Variants in APAF1 observed in about 807,000 individuals in gnomAD.
APAF1 encodes the protein apoptotic peptidase activating factor 1.
Under a neutral mutation model 152.4 loss-of-function variants are expected in APAF1, and 91 were observed. The ratio of observed to expected loss-of-function variants is 0.60; its 90% CI spans 0.50 to 0.71. APAF1 has a LOEUF of 0.71. APAF1 is among the 30% of genes least tolerant of loss of function. The pLI is 0.00. For synonymous variants in APAF1, 484 were observed against 494.1 expected, an observed-to-expected ratio of 0.98 and a Z score of 0.27; for missense variants, 1,283 against 1,472.0, an observed-to-expected ratio of 0.87 and a Z score of 2.10.
At chr12:98,650,017 A>T (rs1018324929) in intron 4 of APAF1, among the ~76,000 whole-genome samples, 3 of 152,116 alleles carry the variant, frequency 2.0e-5, no homozygotes, top group African/African-American at 7.2e-5. Context: ...AAATGTTGGC[A>T]GGTATACCAC....
intron 10 of APAF1, 51 bp from the exon 11 acceptor site, chr12:98,670,922 A>T: frequency 8.8e-7 from 1 of 1,141,130 alleles, no homozygotes; most frequent in Non-Finnish European, 1.3e-6. Flanking sequence ...TTATACCTAA[A>T]ATTTTTTGAT....
In APAF1 at chr12:98,665,660, A is replaced by C; in HGVS notation, c.1063A>C (p.Lys355Gln). ...LQNKQFKRIR[K>Q]SSSYDYEALD... ...GAATAAGCAGTTTAAGAGAATAAGG[A>C]AATCTTCGTCTTATGATTATGAGGC... The change falls in exon 8 of 27, where the codon AAA becomes CAA. Residue 355 changes from lysine (K) to glutamine (Q), a missense_variant. Lys to Gln is a moderately conservative substitution (Grantham distance 53, BLOSUM62 1). Coordinates refer to ENST00000551964, the MANE Select transcript of APAF1 (RefSeq NM_181861.2). 1 of 1,614,042 alleles carries C rather than the reference A, an allele frequency of 6.2e-7. No homozygotes were observed. The highest frequency in any genetic ancestry group is 1.7e-5 in the Admixed American group (1 of 60,004).
intron 10 of APAF1, among the ~76,000 whole-genome samples, chr12:98,669,666 T>C (rs2097677594): frequency 6.6e-6 from 1 of 152,198 alleles, no homozygotes; most frequent in Non-Finnish European, 1.5e-5. Flanking sequence ...GACAATTAGA[T>C]TGTTTAAGCA....
At chr12:98,726,063 C>T (rs1447554929) in intron 25 of APAF1, among the ~76,000 whole-genome samples, 5 of 152,064 alleles carry the variant, frequency 3.3e-5, no homozygotes, top group Admixed American at 6.6e-5. Context: ...TGTGGGGCAG[C>T]GAAGGGCTCC....
At chr12:98,671,948 T>A (rs2097680736) in intron 12 of APAF1, among the ~76,000 whole-genome samples, 1 of 152,182 alleles carries the variant, frequency 6.6e-6, no homozygotes, top group African/African-American at 2.4e-5. Flanking sequence ...TTTGGACAAA[T>A]TATCCTAAGT....
At position 98,662,316 on chromosome 12, in the gene APAF1, C is replaced by T. The variant is rs150629452; in HGVS notation, c.711-140C>T. ...GAAGAGTATAGCAAAGAGGAAGAAT[C>T]ATTTTCCTAGATCTAGCCATCTATT... On this transcript the variant is annotated intron_variant, in intron 5 of 26. Transcript: ENST00000551964. 39 of 654,822 alleles carry T rather than the reference C, an allele frequency of 6.0e-5. No homozygotes were observed. The African/African-American group carries it at 6.9e-4, about 12-fold the overall frequency. The allele number at this position is 654,822 out of a possible 1,614,324, so 40.6% of individuals were successfully genotyped here. A position where few individuals can be genotyped will look rare whatever the true frequency, so the allele number is the denominator to read the frequency against.
At chr12:98,680,521 A>C in intron 14 of APAF1, 119 bp downstream of exon 14, 1 of 979,216 alleles carries the variant, frequency 1.0e-6, no homozygotes, top group Non-Finnish European at 1.5e-6. Context: ...TACTAACCTG[A>C]TTCATTGTAA....
At position 98,670,964 on chromosome 12, in the gene APAF1, T is replaced by C. The variant is rs1417580491; in HGVS notation, c.1495-9T>C. 1.0e-5 allele frequency: 16 copies of C among 1,603,508 alleles called. No homozygotes were observed. The Admixed American group carries it at 1.2e-4, about 12-fold the overall frequency. On this transcript the variant is annotated splice_polypyrimidine_tract_variant and intron_variant, in intron 10 of 26. Coordinates refer to ENST00000551964, the MANE Select transcript of APAF1 (RefSeq NM_181861.2). The stretch of plus-strand genomic sequence containing the variant: ...CAGTGCTGCTGATACTACTTTTTGT[T>C]TTTTAAAGGAACTTTGTGCTTTAAT...
At chr12:98,729,380 C>T (rs941255174) in intron 26 of APAF1, among the ~76,000 whole-genome samples, 16 of 152,292 alleles carry the variant, frequency 1.1e-4, no homozygotes, top group Admixed American at 4.6e-4. Flanking sequence ...ATTAGATTCT[C>T]GTAAGGAGTG....
At chr12:98,699,634 G>A in intron 17 of APAF1, 65 bp downstream of exon 17, 2 of 1,573,292 alleles carry the variant, frequency 1.3e-6, no homozygotes, top group Non-Finnish European at 1.7e-6. Flanking sequence ...GTTCATTTTT[G>A]CATTTTACAA....
chr12:98,722,903 G>T (rs1307785662), intron 22 of APAF1, among the ~76,000 whole-genome samples: 1 of 150,560 alleles, frequency 6.6e-6, no homozygotes, highest in Middle Eastern at 3.5e-3. Flanking sequence ...GGCATATTGT[G>T]TGTTTTTTTT....
chr12:98,715,581 T>C, intron 22 of APAF1, 29 bp downstream of exon 22: 1 of 1,611,796 alleles, frequency 6.2e-7, no homozygotes, highest in African/African-American at 1.3e-5. Context: ...TCTTAACATA[T>C]TTAATGCTGA....
At chr12:98,706,756 T>C in intron 19 of APAF1, 146 bp downstream of exon 19, 1 of 899,446 alleles carries the variant, frequency 1.1e-6, no homozygotes, top group South Asian at 1.4e-5. Context: ...AGTGCTGTTA[T>C]ATGGACTGTA....
At chr12:98,685,829 G>C (rs1010140850) in intron 15 of APAF1, among the ~76,000 whole-genome samples, 1 of 151,940 alleles carries the variant, frequency 6.6e-6, no homozygotes, top group African/African-American at 2.4e-5. Context: ...TAGAGATGGG[G>C]TTTTGCTATG....
chr12:98,666,380 T>TG, intron 9 of APAF1, 23 bp downstream of exon 9: 1 of 1,602,702 alleles, frequency 6.2e-7, no homozygotes, highest in South Asian at 1.1e-5. Flanking sequence ...TGGTTTACTT[T>TG]TTTTTTTCCT....
At chr12:98,701,991 C>G (rs1054899245) in intron 17 of APAF1, among the ~76,000 whole-genome samples, 1 of 152,222 alleles carries the variant, frequency 6.6e-6, no homozygotes, top group Non-Finnish European at 1.5e-5. Flanking sequence ...AATCTGATTT[C>G]CTGCCCTGTG....
rs753148886 is a variant in APAF1, at chr12:98,662,723, G to A, written c.872G>A (p.Gly291Glu). 5.0e-6 allele frequency: 8 copies of A among 1,612,824 alleles called. No individual in the cohort carries two copies. In the East Asian group the frequency reaches 1.3e-4, roughly 27 times the overall value. The change falls in exon 7 of 27, where the codon GGA becomes GAA. Residue 291 changes from glycine to glutamate, a missense_variant. Coordinates refer to ENST00000551964, the MANE Select transcript of APAF1 (RefSeq NM_181861.2). The stretch of plus-strand genomic sequence containing the variant: ...GAGAGTTCCTTAGGAAAGGAAAAAG[G>A]ACTTGAAATTTTATCCCTTTTTGTT... ...PVESSLGKEK[G>E]LEILSLFVNM...
In APAF1 at chr12:98,690,806, C is replaced by T. The variant is rs112781829; in HGVS notation, c.2304+3933C>T. Among the ~76,000 whole-genome samples the T allele has an allele frequency of 9.8e-3, 1,497 of 152,240 alleles. 23 individuals carry two copies. Among genetic ancestry groups the T allele is most frequent in the African/African-American group, 0.034 (1,411 of 41,530 alleles). On this transcript the variant is annotated intron_variant, in intron 16 of 26. Coordinates refer to ENST00000551964, the MANE Select transcript of APAF1 (RefSeq NM_181861.2). ...TTTATGGCAATAATGTTACCTCATA[C>T]CCATTCAAAGGATTAAAACCATCCA... is the stretch of plus-strand genomic sequence containing the variant.
chr12:98,707,210 C>A (rs1283456741), intron 19 of APAF1, among the ~76,000 whole-genome samples: 2 of 152,292 alleles, frequency 1.3e-5, no homozygotes, highest in East Asian at 3.9e-4. Flanking sequence ...TTCTCCACAG[C>A]ATGGCCTTAT....
Sources: gnomAD v4.1 joint callset for allele counts (sites outside exome capture counted in the v4.1 genomes callset) on GRCh38, gnomAD v4.1.1 for gene constraint, MANE v1.5 for transcripts, NCBI Gene and HGNC (gene_info 2026-07-23, HGNC 2026-07-21) for gene names.